Variants in PPP2R2B observed in about 807,000 individuals in gnomAD.
The protein encoded by PPP2R2B is protein phosphatase 2 regulatory subunit Bbeta.
PPP2R2B carries 5 observed loss-of-function variants against 46.0 expected under a neutral mutation model. That is an observed-to-expected ratio of 0.11 (90% CI 0.06 to 0.23). PPP2R2B has a LOEUF of 0.23. Ranked by LOEUF, PPP2R2B falls within the 10% of genes least tolerant of loss-of-function variation. PPP2R2B has a pLI of 1.00. For synonymous variants in PPP2R2B, 215 were observed against 206.7 expected, an observed-to-expected ratio of 1.04 and a Z score of -0.34; for missense variants, 367 against 575.0, an observed-to-expected ratio of 0.64 and a Z score of 3.70.
intron 2 of PPP2R2B, among the ~76,000 whole-genome samples, chr5:146,746,526 T>C (rs1408826706): frequency 6.6e-6 from 1 of 152,174 alleles, no homozygotes; most frequent in African/African-American, 2.4e-5. Context: ...TCAATTTAGC[T>C]CTCAAAGTAT....
At chr5:146,684,367 T>C (rs890622344) in intron 5 of PPP2R2B, among the ~76,000 whole-genome samples, 2 of 152,170 alleles carry the variant, frequency 1.3e-5, no homozygotes, top group Non-Finnish European at 2.9e-5. Flanking sequence ...TGGCCTGGGG[T>C]TCCCCCTCCT....
chr5:146,959,891 A>G (rs969514177), intron 1 of PPP2R2B, among the ~76,000 whole-genome samples: 1 of 152,182 alleles, frequency 6.6e-6, no homozygotes, highest in African/African-American at 2.4e-5. Flanking sequence ...GGAGACGACA[A>G]TGACAGAGCT....
chr5:146,985,492 T>G (rs1284836924), intron 1 of PPP2R2B, among the ~76,000 whole-genome samples: 1 of 152,218 alleles, frequency 6.6e-6, no homozygotes, highest in African/African-American at 2.4e-5. Flanking sequence ...ACCAATGTCA[T>G]GTAGTTTTTC....
intron 2 of PPP2R2B, among the ~76,000 whole-genome samples, chr5:147,068,561 G>T (rs1212213638): frequency 6.6e-6 from 1 of 152,028 alleles, no homozygotes; most frequent in Non-Finnish European, 1.5e-5. Context: ...TCATGAATTT[G>T]GTTTAAACTG....
chr5:146,818,256 A>G (rs1758048730), intron 2 of PPP2R2B, among the ~76,000 whole-genome samples: 1 of 152,142 alleles, frequency 6.6e-6, no homozygotes, highest in African/African-American at 2.4e-5. Context: ...CATAGCACTT[A>G]GTACTGTGTC....
At chr5:146,915,181 A>G (rs1321124764) in intron 1 of PPP2R2B, among the ~76,000 whole-genome samples, 1 of 152,022 alleles carries the variant, frequency 6.6e-6, no homozygotes, top group Admixed American at 6.6e-5. Flanking sequence ...GTTTTCTTAC[A>G]TCTAATTTTG....
intron 3 of PPP2R2B, among the ~76,000 whole-genome samples, chr5:146,698,695 T>TATA (rs1779355957): frequency 6.6e-6 from 1 of 151,600 alleles, no homozygotes; most frequent in Non-Finnish European, 1.5e-5. Context: ...TGACTTTCCC[T>TATA]AGGTCTCACA....
chr5:147,033,947 T>A (rs1580834301), intron 1 of PPP2R2B, among the ~76,000 whole-genome samples: 1 of 152,198 alleles, frequency 6.6e-6, no homozygotes, highest in South Asian at 2.1e-4. Context: ...ACAAAAAAAA[T>A]TAAGTCCTTG....
chr5:147,057,750 T>C (rs1452713584), upstream of PPP2R2B, among the ~76,000 whole-genome samples: 2 of 152,266 alleles, frequency 1.3e-5, no homozygotes, highest in Middle Eastern at 3.4e-3. Flanking sequence ...GAGATGTGCT[T>C]AAGAGGAGTG....
chr5:147,040,962 G>A (rs1209809166), intron 1 of PPP2R2B, among the ~76,000 whole-genome samples: 2 of 152,238 alleles, frequency 1.3e-5, no homozygotes, highest in East Asian at 3.9e-4. Flanking sequence ...GTATCCTTGA[G>A]GTGTTTTCCC....
At chr5:147,079,979 A>C (rs1043455117) in intron 2 of PPP2R2B, among the ~76,000 whole-genome samples, 8 of 152,302 alleles carry the variant, frequency 5.3e-5, no homozygotes, top group Middle Eastern at 3.4e-3. Flanking sequence ...AATTTCTTTT[A>C]AATATAATTT....
At chr5:146,852,986 C>T (rs955107003) in intron 2 of PPP2R2B, among the ~76,000 whole-genome samples, 6 of 152,084 alleles carry the variant, frequency 3.9e-5, no homozygotes, top group Admixed American at 6.6e-5. Flanking sequence ...ATTGCCAAGC[C>T]TCCATTTCAT....
intron 1 of PPP2R2B, among the ~76,000 whole-genome samples, chr5:147,033,688 G>A (rs922766937): frequency 2.0e-5 from 3 of 151,974 alleles, no homozygotes; most frequent in Admixed American, 6.5e-5. Flanking sequence ...TCATCACAGG[G>A]ATGCCACTCA....
chr5:146,814,917 C>CTTCT (rs1757838633), intron 2 of PPP2R2B, among the ~76,000 whole-genome samples: 1 of 152,216 alleles, frequency 6.6e-6, no homozygotes, highest in Admixed American at 6.5e-5. Flanking sequence ...TTGGTCTCTC[C>CTTCT]TTCTGTCTTA....
intron 2 of PPP2R2B, among the ~76,000 whole-genome samples, chr5:146,723,829 C>A (rs764776108): frequency 9.9e-5 from 15 of 152,264 alleles, no homozygotes; most frequent in Non-Finnish European, 1.6e-4. Flanking sequence ...TCCCACCTTA[C>A]AAAAGCTCCT....
At chr5:146,898,880 AC>A (rs1201640211) in intron 1 of PPP2R2B, among the ~76,000 whole-genome samples, 2 of 141,428 alleles carry the variant, frequency 1.4e-5, no homozygotes, top group African/African-American at 5.6e-5. Context: ...AGAAATGCTC[AC>A]CATCACTGGC....
At chr5:146,844,037 C>T (rs1195427876) in intron 2 of PPP2R2B, among the ~76,000 whole-genome samples, 1 of 150,618 alleles carries the variant, frequency 6.6e-6, no homozygotes, top group Non-Finnish European at 1.5e-5. Context: ...CTGACTTCCA[C>T]AATGGTTGAA....
chr5:146,809,926 T>A (rs964953989), intron 2 of PPP2R2B, among the ~76,000 whole-genome samples: 2 of 152,100 alleles, frequency 1.3e-5, no homozygotes, highest in Admixed American at 6.5e-5. Context: ...TAGAGATAAG[T>A]GAAGAAATCT....
chr5:147,061,218 A>G (rs1256799232), intron 2 of PPP2R2B, among the ~76,000 whole-genome samples: 1 of 152,208 alleles, frequency 6.6e-6, no homozygotes, highest in Non-Finnish European at 1.5e-5. Flanking sequence ...TAGGTAATAA[A>G]CAAACATTAC....
Sources: allele counts gnomAD v4.1 joint callset (sites outside exome capture counted in the v4.1 genomes callset), GRCh38; gene constraint gnomAD v4.1.1; transcripts MANE v1.5; gene names NCBI Gene and HGNC (gene_info 2026-07-23, HGNC 2026-07-21).